Variants in PCDHA9 observed in about 807,000 individuals in gnomAD.
The protein encoded by PCDHA9 is protocadherin alpha-9.
Under a neutral mutation model 62.0 loss-of-function variants are expected in PCDHA9, and 62 were observed. The ratio of observed to expected loss-of-function variants is 1.00; its 90% CI spans 0.81 to 1.23. PCDHA9 has a LOEUF of 1.23. Among genes scored for constraint, PCDHA9 ranks in the 50% most tolerant of loss-of-function variants. The pLI, the probability that PCDHA9 is intolerant of heterozygous loss-of-function variation, is 0.00. For missense variants in PCDHA9, 1,205 were observed against 1,249.8 expected (o/e 0.96, Z 0.54); for synonymous variants, 557 against 567.6 (o/e 0.98, Z 0.27).
rs1039422866 is a variant in PCDHA9 at position 140,928,669 on chromosome 5, A to G, written c.2395-50280A>G. 6 of 1,614,042 alleles carry G rather than the reference A, an allele frequency of 3.7e-6. No homozygotes were observed. The African/African-American group carries it at 6.7e-5, about 18-fold the overall frequency. On this transcript the variant is annotated intron_variant, in intron 1 of 3. Transcript: ENST00000532602. ...AGCAGAGGATGCTGACAGTGGTTCT[A>G]ATGCCTGGCTTTCCTACCACATCTC...
chr5:140,909,719 C>T (rs2074652522), intron 1 of PCDHA9, among the ~76,000 whole-genome samples: 1 of 152,130 alleles, frequency 6.6e-6, no homozygotes, highest in Non-Finnish European at 1.5e-5. Flanking sequence ...ATACCTATGC[C>T]AATTATGCAT....
chr5:140,931,147 A>G (rs1469532498), intron 1 of PCDHA9, among the ~76,000 whole-genome samples: 1 of 152,206 alleles, frequency 6.6e-6, no homozygotes, highest in Non-Finnish European at 1.5e-5. Context: ...AGTGGATACT[A>G]TTTAATAGAA....
rs1296767379 is a variant in PCDHA9 at position 140,898,372 on chromosome 5, T to C, written c.2394+47483T>C. ...ATCTTGAATTAATTTTTGTATAAGG[T>C]GTAAGGAAGGGATCCAGTTTCAGCT... On this transcript the variant is annotated intron_variant, in intron 1 of 3. Coordinates refer to ENST00000532602, the MANE Select transcript of PCDHA9 (RefSeq NM_031857.2). Among the ~76,000 whole-genome samples, 5 of 152,320 alleles carry C rather than the reference T, an allele frequency of 3.3e-5. No individual in the cohort carries two copies. In the East Asian group the frequency reaches 9.6e-4, roughly 29 times the overall value.
intron 1 of PCDHA9, chr5:140,875,357 C>T: frequency 1.4e-6 from 2 of 1,446,712 alleles, no homozygotes; most frequent in South Asian, 1.5e-5. Flanking sequence ...GACTGTGATG[C>T]TGGAAAAAAT....
intron 1 of PCDHA9, chr5:140,857,702 G>C: frequency 6.3e-7 from 1 of 1,597,414 alleles, no homozygotes; most frequent in Non-Finnish European, 8.6e-7. Context: ...GACGCTGCAG[G>C]TGTTCGTGCT....
intron 1 of PCDHA9, among the ~76,000 whole-genome samples, chr5:140,924,152 C>A (rs1163487854): frequency 6.6e-6 from 1 of 152,176 alleles, no homozygotes. Flanking sequence ...TGAAGAAATG[C>A]ACATCCTAAT....
chr5:140,955,932 A>T (rs907189668), intron 1 of PCDHA9, among the ~76,000 whole-genome samples: 2 of 152,106 alleles, frequency 1.3e-5, no homozygotes, highest in Non-Finnish European at 2.9e-5. Flanking sequence ...GTTCATTCAT[A>T]ATATGGCTGT....
intron 3 of PCDHA9, among the ~76,000 whole-genome samples, chr5:140,984,467 T>G (rs1358469857): frequency 4.6e-5 from 7 of 152,220 alleles, no homozygotes; most frequent in African/African-American, 1.7e-4. Context: ...CCAGCCCCTC[T>G]TGTATAACCC....
chr5:140,875,834 T>C (rs1562703586), intron 1 of PCDHA9: 2 of 1,613,958 alleles, frequency 1.2e-6, no homozygotes, highest in Non-Finnish European at 1.7e-6. Context: ...CATGTGGACG[T>C]GGAGGTGAAG....
At position 141,010,411 on chromosome 5, in the gene PCDHA9, G is replaced by A. The variant is rs1215041869; in HGVS notation, c.*474G>A. On this transcript the variant is annotated 3_prime_UTR_variant, in exon 4 of 4. Coordinates refer to ENST00000532602, the MANE Select transcript of PCDHA9 (RefSeq NM_031857.2). Reference sequence around the variant, plus strand: ...TGAGACGAGCCAGCTTAGACTAATTGGTACAAGGAAGGCAAGAAAACAAAG... The same window carrying A: ...TGAGACGAGCCAGCTTAGACTAATTAGTACAAGGAAGGCAAGAAAACAAAG... The A allele has an allele frequency of 8.2e-7, 1 of 1,224,354 alleles. No individual in the cohort carries two copies. Among genetic ancestry groups the A allele is most frequent in the Admixed American group, 2.9e-5 (1 of 35,038 alleles). 75.8% of individuals were successfully genotyped at this position (1,224,354 alleles called of 1,614,324 possible).
At chr5:140,969,069 T>C in intron 1 of PCDHA9, 1 of 1,614,160 alleles carries the variant, frequency 6.2e-7, no homozygotes, top group Non-Finnish European at 8.5e-7. Context: ...GATGCCAGGA[T>C]ACCGCATGGC....
At chr5:140,851,193 G>GT in intron 1 of PCDHA9, 4 of 1,214,324 alleles carry the variant, frequency 3.3e-6, no homozygotes, top group Non-Finnish European at 4.2e-6. Context: ...CAATTTAGTT[G>GT]TTAGTCATTC....
At chr5:141,005,627 G>A (rs1051972778) in intron 3 of PCDHA9, among the ~76,000 whole-genome samples, 1 of 148,378 alleles carries the variant, frequency 6.7e-6, no homozygotes, top group Non-Finnish European at 1.5e-5. Flanking sequence ...GCGTGAACCC[G>A]GGAGGCGGAG....
chr5:140,871,649 G>A (rs781859029), intron 1 of PCDHA9: 23 of 1,265,706 alleles, frequency 1.8e-5, no homozygotes, highest in Admixed American at 8.7e-5. Flanking sequence ...AATACCAAAT[G>A]ATACACATCT....
intron 2 of PCDHA9, 101 bp downstream of exon 2, chr5:140,979,108 A>G: frequency 6.6e-7 from 1 of 1,526,122 alleles, no homozygotes; most frequent in African/African-American, 1.4e-5. Flanking sequence ...AAAACTAAAA[A>G]GCTTTAGGTA....
intron 1 of PCDHA9, chr5:140,927,106 A>C (rs782151576): frequency 6.2e-7 from 1 of 1,613,678 alleles, no homozygotes; most frequent in Non-Finnish European, 8.5e-7. Context: ...GGATCTACCC[A>C]GCGGCAATTT....
intron 3 of PCDHA9, among the ~76,000 whole-genome samples, chr5:140,987,234 A>G (rs2097240958): frequency 6.6e-6 from 1 of 151,980 alleles, no homozygotes; most frequent in Non-Finnish European, 1.5e-5. Context: ...AAAATAATAA[A>G]TAAAGAAAGA....
chr5:140,854,089 G>A, intron 1 of PCDHA9: 1 of 266,188 alleles, frequency 3.8e-6, no homozygotes, highest in Non-Finnish European at 5.6e-6. Flanking sequence ...TTGAGCCTGG[G>A]ACATTGAGGC....
chr5:140,970,894 C>T (rs1302694264), intron 1 of PCDHA9, among the ~76,000 whole-genome samples: 1 of 152,090 alleles, frequency 6.6e-6, no homozygotes, highest in Non-Finnish European at 1.5e-5. Context: ...ATGGACATTT[C>T]AGATAGATTT....
Sources: allele counts gnomAD v4.1 joint callset (sites outside exome capture counted in the v4.1 genomes callset), GRCh38; gene constraint gnomAD v4.1.1; transcripts MANE v1.5; gene names NCBI Gene and HGNC (gene_info 2026-07-23, HGNC 2026-07-21).